Variants in TMEM120B observed in about 807,000 individuals in gnomAD.
TMEM120B encodes transmembrane protein 120B.
In TMEM120B, 31 loss-of-function variants were observed where a neutral mutation model predicts 55.5. The ratio of observed to expected loss-of-function variants is 0.56; its 90% CI spans 0.42 to 0.75. The LOEUF (loss-of-function observed/expected upper bound fraction) is 0.75, where lower values mean the gene tolerates loss of function less well. Among genes scored for constraint, TMEM120B ranks in the 30% least tolerant of loss-of-function variants. The pLI, the probability that TMEM120B is intolerant of heterozygous loss-of-function variation, is 0.00. For missense variants in TMEM120B, 399 were observed against 425.5 expected, an observed-to-expected ratio of 0.94 and a Z score of 0.55; for synonymous variants, 203 against 176.3, an observed-to-expected ratio of 1.15 and a Z score of -1.20.
intron 1 of TMEM120B, among the ~76,000 whole-genome samples, chr12:121,742,573 C>T (rs932307033): frequency 1.3e-5 from 2 of 151,966 alleles, no homozygotes; most frequent in African/African-American, 2.4e-5. Context: ...TGAGCAGTGG[C>T]TTATTGTTTT....
At chr12:121,749,379 A>G (rs1441789996) in intron 3 of TMEM120B, among the ~76,000 whole-genome samples, 2 of 152,154 alleles carry the variant, frequency 1.3e-5, no homozygotes, top group Non-Finnish European at 1.5e-5. Flanking sequence ...TGGATTGCAA[A>G]CGATAGAAAA....
At position 121,752,279 on chromosome 12, in the gene TMEM120B, C is replaced by T; in HGVS notation, c.461+56C>T. The T allele has an allele frequency of 3.3e-6, 5 of 1,494,976 alleles. No homozygotes were observed. The South Asian group carries it at 3.4e-5, about 10-fold the overall frequency. The allele number at this position is 1,494,976 out of a possible 1,614,324, so 92.6% of individuals were successfully genotyped here. A position where few individuals can be genotyped will look rare whatever the true frequency, so the allele number is the denominator to read the frequency against. On this transcript the variant is annotated intron_variant, in intron 5 of 11. Coordinates refer to ENST00000449592, the MANE Select transcript of TMEM120B (RefSeq NM_001080825.2). Reference sequence around the variant, plus strand: ...TGGGCATGCAGACGTCAGGTGGGGGCCGGGAGAGAGGGATCCAGGGGACCC... The same window carrying T: ...TGGGCATGCAGACGTCAGGTGGGGGTCGGGAGAGAGGGATCCAGGGGACCC...
Position 121,752,194 on chromosome 12 carries a change from C to T in TMEM120B, c.432C>T (p.Ala144=), listed in dbSNP as rs199889668. The change falls in exon 5 of 12, where the codon GCC becomes GCT. Residue 144 remains alanine, a synonymous_variant. Transcript: ENST00000449592. ...TGACCATCATCCTGCTCCTGGGTGC[C>T]GTGGCATGTCGATTTGTCCTTCACT... is the stretch of plus-strand genomic sequence containing the variant. The part of the protein sequence containing the change: ...LYLTIILLLG[A]VACRFVLHYR... 32 of 1,613,732 alleles carry T rather than the reference C, an allele frequency of 2.0e-5. No individual in the cohort carries two copies. The highest frequency in any genetic ancestry group is 4.4e-5 in the South Asian group (4 of 91,074).
chr12:121,744,819 T>C (rs1364070920), intron 2 of TMEM120B, among the ~76,000 whole-genome samples: 1 of 152,194 alleles, frequency 6.6e-6, no homozygotes, highest in African/African-American at 2.4e-5. Context: ...GTCCTGATTA[T>C]AGCTCTCAGT....
chr12:121,726,048 A>AC (rs1555330121), intron 1 of TMEM120B, among the ~76,000 whole-genome samples: 2 of 147,396 alleles, frequency 1.4e-5, no homozygotes, highest in African/African-American at 5.0e-5. Context: ...AAAAAAAAAA[A>AC]CAAAAAAAAA....
At chr12:121,769,367 C>T (rs1340299893) in intron 6 of TMEM120B, among the ~76,000 whole-genome samples, 1 of 152,138 alleles carries the variant, frequency 6.6e-6, no homozygotes, top group East Asian at 1.9e-4. Context: ...TGGCATCCAT[C>T]AGCCTCTGCT....
In TMEM120B at chr12:121,775,636, ATCCTCT is replaced by A; in HGVS notation, c.940_945del (p.Phe314_Leu315del). On this transcript the variant is annotated inframe_deletion, in exon 12 of 12. Coordinates refer to ENST00000449592, the MANE Select transcript of TMEM120B (RefSeq NM_001080825.2). This position sits in a 1 kb window ranked among gnomAD's most constrained non-coding sequence, Gnocchi z 4.3. ...GTTCGTACTGGCGTTCACCTTCCTC[ATCCTCT>A]TCCTCGGCAACTTCCTGACCACGCT... 3 of 1,613,822 alleles carry A rather than the reference ATCCTCT, an allele frequency of 1.9e-6. No individual in the cohort carries two copies. Among genetic ancestry groups the A allele is most frequent in the Non-Finnish European group, 1.7e-6 (2 of 1,179,844 alleles).
chr12:121,756,316 G>A (rs1873473982), intron 5 of TMEM120B, among the ~76,000 whole-genome samples: 1 of 152,124 alleles, frequency 6.6e-6, no homozygotes, highest in Admixed American at 6.6e-5. Flanking sequence ...TGGGCAACAT[G>A]GCGAAACCCC....
At chr12:121,767,948 G>C (rs1438638602) in intron 6 of TMEM120B, among the ~76,000 whole-genome samples, 1 of 152,230 alleles carries the variant, frequency 6.6e-6, no homozygotes, top group East Asian at 1.9e-4. Context: ...CAGGACAAAG[G>C]AGTGTGGCGC....
intron 1 of TMEM120B, among the ~76,000 whole-genome samples, chr12:121,720,256 C>T (rs1289728543): frequency 6.6e-6 from 1 of 152,132 alleles, no homozygotes; most frequent in Non-Finnish European, 1.5e-5. Context: ...CGTAACATAC[C>T]GTTCATGGAT....
chr12:121,780,885 A>G lies in TMEM120B; in HGVS notation c.*5163A>G, dbSNP rs1874426351. 1 of 1,613,532 alleles carries G rather than the reference A, an allele frequency of 6.2e-7. No individual in the cohort carries two copies. Among genetic ancestry groups the G allele is most frequent in the African/African-American group, 1.3e-5 (1 of 75,034 alleles). On this transcript the variant is annotated 3_prime_UTR_variant, in exon 12 of 12. Coordinates refer to ENST00000449592, the MANE Select transcript of TMEM120B (RefSeq NM_001080825.2). The stretch of plus-strand genomic sequence containing the variant: ...GCCCCGGCCCACCTGCATGTAGGTG[A>G]TGGGCTCCAGCTGGGCGGCCCGGAG...
intron 10 of TMEM120B, 96 bp from the exon 11 acceptor site, chr12:121,774,966 C>A: frequency 1.4e-6 from 2 of 1,398,132 alleles, no homozygotes; most frequent in Non-Finnish European, 2.0e-6. Flanking sequence ...GTAGTTGATA[C>A]CCAAAGTTGG....
intron 1 of TMEM120B, among the ~76,000 whole-genome samples, chr12:121,735,566 T>C (rs921726680): frequency 2.0e-5 from 3 of 151,366 alleles, no homozygotes; most frequent in Non-Finnish European, 4.4e-5. Flanking sequence ...GGGCAGCTAA[T>C]TTTTGTATTT....
At chr12:121,769,476 C>T (rs1379367275) in intron 6 of TMEM120B, among the ~76,000 whole-genome samples, 1 of 152,020 alleles carries the variant, frequency 6.6e-6, no homozygotes, top group African/African-American at 2.4e-5. Flanking sequence ...AAGGCCAAGG[C>T]AAGAGGATTG....
At chr12:121,713,502 C>A (rs1414625374) in intron 1 of TMEM120B, among the ~76,000 whole-genome samples, 1 of 152,176 alleles carries the variant, frequency 6.6e-6, no homozygotes, top group Non-Finnish European at 1.5e-5. Context: ...TCTTTGGGGG[C>A]TCTGACGCTG....
chr12:121,748,854 T>C (rs1873185082), intron 3 of TMEM120B, among the ~76,000 whole-genome samples: 1 of 152,206 alleles, frequency 6.6e-6, no homozygotes, highest in Non-Finnish European at 1.5e-5. Context: ...TTTACAAGAT[T>C]CAGAGACATC....
chr12:121,780,465 A>G lies in TMEM120B; in HGVS notation c.*4743A>G, dbSNP rs539142420. On this transcript the variant is annotated 3_prime_UTR_variant, in exon 12 of 12. Transcript: ENST00000449592. The stretch of plus-strand genomic sequence containing the variant: ...CCTCACCCAAAGAGTTGCACGGTCA[A>G]TTGGCCCGTGAAGGGGACGCCTACT... 5 of 321,632 alleles carry G rather than the reference A, an allele frequency of 1.6e-5. No individual in the cohort carries two copies. The highest frequency in any genetic ancestry group is 9.7e-5 in the South Asian group (1 of 10,300). 19.9% of individuals were successfully genotyped at this position (321,632 alleles called of 1,614,324 possible).
chr12:121,739,095 G>A (rs1397674869), intron 1 of TMEM120B, among the ~76,000 whole-genome samples: 1 of 152,144 alleles, frequency 6.6e-6, no homozygotes, highest in Non-Finnish European at 1.5e-5. Context: ...GCTGAGGCAG[G>A]AGAATTGCTT....
intron 1 of TMEM120B, among the ~76,000 whole-genome samples, chr12:121,715,866 C>A (rs917233284): frequency 6.6e-6 from 1 of 151,638 alleles, no homozygotes; most frequent in Non-Finnish European, 1.5e-5. Flanking sequence ...ATTGGTAGGC[C>A]CCTCTCTGCC....
Sources: gnomAD v4.1 joint callset for allele counts (sites outside exome capture counted in the v4.1 genomes callset) on GRCh38, gnomAD v4.1.1 for gene constraint, Gnocchi (gnomAD v3.1) non-coding constraint, MANE v1.5 for transcripts, NCBI Gene and HGNC (gene_info 2026-07-23, HGNC 2026-07-21) for gene names.